NKAIN3: variants seen among roughly 807,000 people sequenced by gnomAD.
The protein encoded by NKAIN3 is sodium/potassium-transporting ATPase subunit beta-1-interacting protein 3.
Under a neutral mutation model 30.2 loss-of-function variants are expected in NKAIN3, and 25 were observed. That is an observed-to-expected ratio of 0.83 (90% CI 0.60 to 1.16). The LOEUF (loss-of-function observed/expected upper bound fraction) is 1.16. Ranked by LOEUF, NKAIN3 falls within the 50% of genes most tolerant of loss-of-function variation. The pLI is 0.00. For synonymous variants in NKAIN3, 91 were observed against 89.6 expected (o/e 1.02, Z -0.09); for missense variants, 225 against 254.1 (o/e 0.89, Z 0.78).
chr8:62,754,780 T>A (rs1006653599), intron 4 of NKAIN3, among the ~76,000 whole-genome samples: 17 of 152,212 alleles, frequency 1.1e-4, no homozygotes, highest in African/African-American at 4.1e-4. Context: ...CCACAAGGTA[T>A]CCTGTAGAAT....
chr8:62,526,428 G>A (rs990937760), intron 1 of NKAIN3, among the ~76,000 whole-genome samples: 1 of 152,032 alleles, frequency 6.6e-6, no homozygotes, highest in Non-Finnish European at 1.5e-5. Context: ...TTTTGGACTC[G>A]ATTTCTGCCT....
chr8:62,812,535 A>G (rs1174584318), intron 4 of NKAIN3, among the ~76,000 whole-genome samples: 1 of 151,820 alleles, frequency 6.6e-6, no homozygotes, highest in African/African-American at 2.4e-5. Flanking sequence ...TTTACAGCAT[A>G]AAGATTCTGT....
chr8:62,591,529 A>C (rs1298590631), intron 3 of NKAIN3, among the ~76,000 whole-genome samples: 1 of 152,006 alleles, frequency 6.6e-6, no homozygotes, highest in Non-Finnish European at 1.5e-5. Context: ...TCCCACTGCT[A>C]TTCAAGGTTA....
intron 4 of NKAIN3, among the ~76,000 whole-genome samples, chr8:62,862,744 A>T (rs1410500276): frequency 6.6e-6 from 1 of 152,208 alleles, no homozygotes; most frequent in Admixed American, 6.5e-5. Context: ...GAAGAAATGG[A>T]AAGAATGAAG....
At chr8:62,902,938 A>T (rs1821657260) in intron 4 of NKAIN3, among the ~76,000 whole-genome samples, 1 of 152,208 alleles carries the variant, frequency 6.6e-6, no homozygotes, top group African/African-American at 2.4e-5. Flanking sequence ...GTTCTTTGTG[A>T]GTCAGGGTAA....
At chr8:62,743,092 A>T (rs1424212456) in intron 3 of NKAIN3, among the ~76,000 whole-genome samples, 1 of 152,212 alleles carries the variant, frequency 6.6e-6, no homozygotes, top group Non-Finnish European at 1.5e-5. Flanking sequence ...TGGGAACTAC[A>T]ATTCAAGATG....
chr8:62,746,927 C>T lies in NKAIN3; in HGVS notation c.274-5C>T. On this transcript the variant is annotated splice_region_variant and splice_polypyrimidine_tract_variant and intron_variant, in intron 3 of 6. Transcript: ENST00000623646. ...ATTTTGCTCTTTTGTCTCCTACCCA[C>T]CTAGGACACCGATCTAATGACATTC... 1 of 1,593,568 alleles carries T rather than the reference C, an allele frequency of 6.3e-7. No individual in the cohort carries two copies. The highest frequency in any genetic ancestry group is 1.1e-5 in the South Asian group (1 of 89,922).
chr8:62,740,195 T>C (rs1281543949), intron 3 of NKAIN3, among the ~76,000 whole-genome samples: 1 of 152,178 alleles, frequency 6.6e-6, no homozygotes, highest in Non-Finnish European at 1.5e-5. Context: ...TTGCCCTAAC[T>C]ATTCTAATTT....
chr8:62,633,499 G>T (rs1029642791), intron 3 of NKAIN3, among the ~76,000 whole-genome samples: 6 of 152,144 alleles, frequency 3.9e-5, no homozygotes, highest in African/African-American at 1.4e-4. Flanking sequence ...CCAGGCCCCT[G>T]CATATGTTAT....
At chr8:62,660,991 C>T (rs1812927023) in intron 3 of NKAIN3, among the ~76,000 whole-genome samples, 1 of 152,212 alleles carries the variant, frequency 6.6e-6, no homozygotes, top group African/African-American at 2.4e-5. Context: ...TGCAGAATGG[C>T]AGGGGTTGAT....
chr8:62,957,413 C>T (rs921263994), intron 6 of NKAIN3, among the ~76,000 whole-genome samples: 11 of 152,188 alleles, frequency 7.2e-5, no homozygotes, highest in South Asian at 2.1e-4. Flanking sequence ...GGATTACAGG[C>T]GTGAGCCACC....
At chr8:62,511,734 T>C (rs551367064) in intron 1 of NKAIN3, among the ~76,000 whole-genome samples, 4 of 152,174 alleles carry the variant, frequency 2.6e-5, no homozygotes, top group Admixed American at 2.6e-4. Context: ...CTCCACAGGA[T>C]CTTTACAAAT....
At chr8:62,611,599 T>C (rs904961340) in intron 3 of NKAIN3, among the ~76,000 whole-genome samples, 2 of 152,166 alleles carry the variant, frequency 1.3e-5, no homozygotes, top group African/African-American at 2.4e-5. Context: ...GTTCTACCCA[T>C]GTTGTTGCAA....
chr8:62,919,394 G>A (rs536672824), intron 5 of NKAIN3, among the ~76,000 whole-genome samples: 95 of 151,412 alleles, frequency 6.3e-4, no homozygotes, highest in African/African-American at 2.2e-3. Context: ...ACAGGCACCC[G>A]CCACCATGTC....
intron 1 of NKAIN3, among the ~76,000 whole-genome samples, chr8:62,456,510 C>T (rs1805824023): frequency 6.8e-6 from 1 of 147,716 alleles, no homozygotes; most frequent in Non-Finnish European, 1.5e-5. Context: ...CAGAGCGAGA[C>T]TCCGTCTTAA....
At chr8:62,324,157 G>A (rs1312831401) in intron 1 of NKAIN3, among the ~76,000 whole-genome samples, 1 of 152,006 alleles carries the variant, frequency 6.6e-6, no homozygotes, top group Non-Finnish European at 1.5e-5. Context: ...TGTAATAAAT[G>A]TACCACAATG....
chr8:62,451,012 G>C lies in NKAIN3; in HGVS notation c.55-128527G>C, dbSNP rs75180854. Among the ~76,000 whole-genome samples the C allele has an allele frequency of 5.5e-3, 842 of 152,202 alleles. 23 individuals carry two copies. The highest frequency in any genetic ancestry group is 0.038 in the Admixed American group (574 of 15,290). ...ACAGGTAGTACTTATGCAATGTGGAGCAGATTAATTATGTTTTAACATTAA... is the reference window on the plus strand; with the variant it reads ...ACAGGTAGTACTTATGCAATGTGGACCAGATTAATTATGTTTTAACATTAA... On this transcript the variant is annotated intron_variant, in intron 1 of 6. Coordinates refer to ENST00000623646, the MANE Select transcript of NKAIN3 (RefSeq NM_001304533.3).
At chr8:62,720,602 T>A (rs1347355828) in intron 3 of NKAIN3, among the ~76,000 whole-genome samples, 1 of 152,242 alleles carries the variant, frequency 6.6e-6, no homozygotes, top group Admixed American at 6.5e-5. Context: ...TCTTTCTGAC[T>A]AAGCTAACAA....
chr8:62,937,620 A>C (rs1024007056), intron 5 of NKAIN3, among the ~76,000 whole-genome samples: 1 of 152,108 alleles, frequency 6.6e-6, no homozygotes. Flanking sequence ...AAAAACTACG[A>C]GGAGAAAGAA....
Sources: gnomAD v4.1 joint callset for allele counts (sites outside exome capture counted in the v4.1 genomes callset) on GRCh38, gnomAD v4.1.1 for gene constraint, MANE v1.5 for transcripts, NCBI Gene and HGNC (gene_info 2026-07-23, HGNC 2026-07-21) for gene names.